The following VPS50 variants were observed in gnomAD, a reference collection of about 807,000 sequenced individuals.
The protein encoded by VPS50 is VPS50 subunit of EARP/GARPII complex.
Under a neutral mutation model 139.7 loss-of-function variants are expected in VPS50, and 70 were observed. That is an observed-to-expected ratio of 0.50 (90% CI 0.41 to 0.61). The LOEUF is 0.61. Ranked by LOEUF, VPS50 falls within the 20% of genes least tolerant of loss-of-function variation. VPS50 has a pLI of 0.00. For missense variants in VPS50, 921 were observed against 1,133.7 expected (o/e 0.81, Z 2.69); for synonymous variants, 365 against 376.7 (o/e 0.97, Z 0.36).
At chr7:93,270,630 T>C (rs1795975389) in intron 9 of VPS50, among the ~76,000 whole-genome samples, 1 of 151,984 alleles carries the variant, frequency 6.6e-6, no homozygotes, top group African/African-American at 2.4e-5. Context: ...GTGTGTGTTG[T>C]TTCAGTAGAT....
intron 13 of VPS50, among the ~76,000 whole-genome samples, chr7:93,294,067 ATTAT>A (rs1796730116): frequency 6.6e-6 from 1 of 152,246 alleles, no homozygotes; most frequent in South Asian, 2.1e-4. Context: ...ACATTGTTAA[ATTAT>A]TTATCTGGAG....
intron 2 of VPS50, among the ~76,000 whole-genome samples, chr7:93,245,225 G>T (rs912813192): frequency 6.6e-6 from 1 of 151,716 alleles, no homozygotes; most frequent in Non-Finnish European, 1.5e-5. Flanking sequence ...TTGAGTAGAG[G>T]TTGGGGACAA....
intron 11 of VPS50, among the ~76,000 whole-genome samples, chr7:93,273,769 A>G (rs1015073110): frequency 2.6e-5 from 4 of 152,092 alleles, no homozygotes; most frequent in African/African-American, 9.7e-5. Flanking sequence ...TGCTTTTCAG[A>G]TACTGTGTTA....
intron 27 of VPS50, 180 bp downstream of exon 27, chr7:93,356,260 A>AGT (rs1554383614): frequency 2.8e-6 from 1 of 353,350 alleles, no homozygotes; most frequent in Non-Finnish European, 5.2e-6. Flanking sequence ...GTATCTAAGC[A>AGT]GTGCCCTTTG....
intron 9 of VPS50, among the ~76,000 whole-genome samples, chr7:93,265,821 C>A (rs986250152): frequency 3.3e-5 from 5 of 152,124 alleles, no homozygotes; most frequent in Non-Finnish European, 7.4e-5. Flanking sequence ...CCTGCCTCAG[C>A]CTCCCAAAGT....
chr7:93,346,396 T>C (rs1335836856), intron 23 of VPS50, among the ~76,000 whole-genome samples: 1 of 152,298 alleles, frequency 6.6e-6, no homozygotes, highest in East Asian at 1.9e-4. Context: ...ATGGCCATAC[T>C]GCCCAAGGTA....
chr7:93,355,416 C>T (rs927283464), intron 26 of VPS50, among the ~76,000 whole-genome samples: 1 of 152,218 alleles, frequency 6.6e-6, no homozygotes, highest in South Asian at 2.1e-4. Flanking sequence ...TGCTTACATG[C>T]TTACACATTT....
In VPS50 at chr7:93,308,893, C is replaced by T; in HGVS notation, c.1699C>T (p.Leu567Phe). The change falls in exon 19 of 28, where the codon CTC (leucine) becomes TTC (phenylalanine). Residue 567 changes from leucine (L) to phenylalanine (F), a missense_variant. Around this residue, in one of 3 missense-constraint regions of VPS50, gnomAD observed 744 missense variants for 930.6 expected, o/e 0.80. Coordinates refer to ENST00000305866, the MANE Select transcript of VPS50 (RefSeq NM_017667.4). ...YDSDSDVPEE[L>F]KRDYVDEQTG... is the part of the protein sequence containing the mutation. ...CAGTGACAGTGATGTTCCTGAGGAA[C>T]TCAAACGAGACTATGTGGATGAGCA... 6.2e-7 allele frequency: 1 copy of T among 1,607,672 alleles called. No homozygotes were observed. Among genetic ancestry groups the T allele is most frequent in the Non-Finnish European group, 8.5e-7 (1 of 1,174,888 alleles).
chr7:93,237,234 G>A (rs1361680325), intron 1 of VPS50, among the ~76,000 whole-genome samples: 7 of 151,308 alleles, frequency 4.6e-5, no homozygotes, highest in Non-Finnish European at 8.8e-5. Flanking sequence ...GGGATTACAG[G>A]CGTGAGCCAC....
In VPS50 at chr7:93,323,752, GA is replaced by G. The variant is rs373770549; in HGVS notation, c.1977+27del. The G allele has an allele frequency of 9.2e-5, 122 of 1,329,904 alleles. No homozygotes were observed. The highest frequency in any genetic ancestry group is 6.1e-4 in the Middle Eastern group (3 of 4,882). 82.4% of individuals were successfully genotyped at this position (1,329,904 alleles called of 1,614,324 possible). On this transcript the variant is annotated intron_variant, in intron 21 of 27. Coordinates refer to ENST00000305866, the MANE Select transcript of VPS50 (RefSeq NM_017667.4). Reference sequence around the variant, plus strand: ...GATTCAGTAAGTCCACCTTTAGAGGGAAAAAAATCTTTCTTTTAAAATTTAT... The same window carrying G: ...GATTCAGTAAGTCCACCTTTAGAGGGAAAAAATCTTTCTTTTAAAATTTAT...
At chr7:93,235,718 A>G (rs1554355914) in intron 1 of VPS50, among the ~76,000 whole-genome samples, 1 of 152,186 alleles carries the variant, frequency 6.6e-6, no homozygotes, top group Non-Finnish European at 1.5e-5. Context: ...GGAGGAACAG[A>G]TTGAGGGAAG....
intron 9 of VPS50, among the ~76,000 whole-genome samples, chr7:93,268,724 T>C (rs1404180193): frequency 6.6e-6 from 1 of 152,214 alleles, no homozygotes; most frequent in Non-Finnish European, 1.5e-5. Flanking sequence ...ATCCAGTCTG[T>C]CATTGATGGG....
rs187846153 is a variant in VPS50 at position 93,301,251 on chromosome 7, C to T, written c.1362-2209C>T. ...GGCAGAGGTTGCAGTGAGCCAAGATCGCGCCACTGCACTCCAGCCTGAGTG... is the reference window on the plus strand; with the variant it reads ...GGCAGAGGTTGCAGTGAGCCAAGATTGCGCCACTGCACTCCAGCCTGAGTG... On this transcript the variant is annotated intron_variant, in intron 16 of 27. Coordinates refer to ENST00000305866, the MANE Select transcript of VPS50 (RefSeq NM_017667.4). Among the ~76,000 whole-genome samples the T allele has an allele frequency of 1.5e-4, 23 of 150,852 alleles. No individual in the cohort carries two copies. In the East Asian group the frequency reaches 4.3e-3, roughly 28 times the overall value.
At chr7:93,298,161 G>T (rs1796866651) in intron 16 of VPS50, among the ~76,000 whole-genome samples, 1 of 152,062 alleles carries the variant, frequency 6.6e-6, no homozygotes, top group Admixed American at 6.6e-5. Context: ...TGTAAACAAT[G>T]AAGTAAATTG....
At chr7:93,296,412 C>G (rs987478722) in intron 14 of VPS50, among the ~76,000 whole-genome samples, 6 of 152,122 alleles carry the variant, frequency 3.9e-5, no homozygotes, top group African/African-American at 1.4e-4. Flanking sequence ...CTGACTTAGT[C>G]TCCCAATAGG....
chr7:93,348,585 A>G (rs900365273), intron 23 of VPS50, 126 bp from the exon 24 acceptor site: 10 of 642,840 alleles, frequency 1.6e-5, no homozygotes, highest in Non-Finnish European at 2.5e-5. Flanking sequence ...TTCGTCCACT[A>G]AAGTGGAAAG....
chr7:93,329,415 A>C (rs971699484), intron 21 of VPS50, among the ~76,000 whole-genome samples: 1 of 152,120 alleles, frequency 6.6e-6, no homozygotes, highest in Non-Finnish European at 1.5e-5. Context: ...GAAGAGCGTA[A>C]AAAAGGATTA....
intron 22 of VPS50, among the ~76,000 whole-genome samples, chr7:93,334,894 T>C (rs1249914057): frequency 6.6e-6 from 1 of 152,084 alleles, no homozygotes; most frequent in African/African-American, 2.4e-5. Flanking sequence ...TATTCAGACG[T>C]TTCTCCACAT....
intron 25 of VPS50, among the ~76,000 whole-genome samples, chr7:93,352,381 A>G (rs1312711354): frequency 6.6e-6 from 1 of 152,222 alleles, no homozygotes; most frequent in Non-Finnish European, 1.5e-5. Flanking sequence ...CTTTTTAATA[A>G]TTAAAAGCAA....
Sources: allele counts gnomAD v4.1 joint callset (sites outside exome capture counted in the v4.1 genomes callset), GRCh38; gene constraint gnomAD v4.1.1; regional missense constraint gnomAD v4.1.1; transcripts MANE v1.5; gene names NCBI Gene and HGNC (gene_info 2026-07-23, HGNC 2026-07-21).